RRM2: variants seen among roughly 807,000 people sequenced by gnomAD.
RRM2 encodes ribonucleoside-diphosphate reductase subunit M2.
In RRM2, 6 loss-of-function variants were observed where a neutral mutation model predicts 45.9. That is an observed-to-expected ratio of 0.13 (90% CI 0.07 to 0.26). RRM2 has a LOEUF of 0.26. RRM2 is among the 10% of genes least tolerant of loss of function. The probability of loss-of-function intolerance (pLI) is 1.00; values close to 1 mark genes in which losing one functional copy is unlikely to be tolerated. For missense variants in RRM2, 343 were observed against 489.5 expected, an observed-to-expected ratio of 0.70 and a Z score of 2.82; for synonymous variants, 177 against 173.0, an observed-to-expected ratio of 1.02 and a Z score of -0.18.
At chr2:10,191,751 G>A (rs1437630844) in intron 3 of RRM2, among the ~76,000 whole-genome samples, 2 of 152,096 alleles carry the variant, frequency 1.3e-5, no homozygotes, top group African/African-American at 2.4e-5. Flanking sequence ...GGGCAGCCAC[G>A]GCCATGCGCA....
At chr2:10,167,678 A>G (rs1283756847) in intron 3 of RRM2, among the ~76,000 whole-genome samples, 3 of 152,146 alleles carry the variant, frequency 2.0e-5, no homozygotes, top group Non-Finnish European at 4.4e-5. Context: ...GAGAGGTGGG[A>G]TCAGGGCCGA....
At chr2:10,132,135 C>G (rs1008790240), downstream of RRM2, among the ~76,000 whole-genome samples, 2 of 152,218 alleles carry the variant, frequency 1.3e-5, no homozygotes, top group African/African-American at 4.8e-5. Context: ...ATTCATGACA[C>G]CCATCCCCAA....
At chr2:10,126,354 C>T (rs1662780638) in intron 5 of RRM2, among the ~76,000 whole-genome samples, 1 of 151,998 alleles carries the variant, frequency 6.6e-6, no homozygotes, top group Admixed American at 6.6e-5. Context: ...GATTTGCTTT[C>T]CTGACCTGGG....
At chr2:10,162,746 C>T (rs996654696) in intron 3 of RRM2, among the ~76,000 whole-genome samples, 2 of 151,418 alleles carry the variant, frequency 1.3e-5, no homozygotes, top group Admixed American at 6.6e-5. Flanking sequence ...TGTGTGGCCT[C>T]GGGCAGGGCG....
chr2:10,199,289 G>C (rs75705654), intron 3 of RRM2: 1 of 24,500 alleles, frequency 4.1e-5, no homozygotes, highest in Admixed American at 3.3e-4. Context: ...AAAAAAAAAA[G>C]GGGGGGGGGA....
At chr2:10,152,580 T>C (rs969014086) in intron 3 of RRM2, among the ~76,000 whole-genome samples, 6 of 151,762 alleles carry the variant, frequency 4.0e-5, no homozygotes, top group Admixed American at 6.6e-5. Context: ...CCTCCTGGGC[T>C]CAAGCAGTTC....
intron 3 of RRM2, among the ~76,000 whole-genome samples, chr2:10,187,181 T>C (rs140726504): frequency 7.9e-5 from 12 of 152,256 alleles, no homozygotes; most frequent in South Asian, 2.1e-4. Context: ...TCTCCCTTGT[T>C]CCCTGATGCT....
chr2:10,153,265 C>T (rs1663354292), intron 3 of RRM2, among the ~76,000 whole-genome samples: 1 of 152,054 alleles, frequency 6.6e-6, no homozygotes, highest in Non-Finnish European at 1.5e-5. Flanking sequence ...ATCTAGGAGG[C>T]GGAGGTTGCA....
chr2:10,197,051 C>G (rs886198726), intron 3 of RRM2, among the ~76,000 whole-genome samples: 1 of 152,226 alleles, frequency 6.6e-6, no homozygotes, highest in Non-Finnish European at 1.5e-5. Flanking sequence ...AGGCCCTACT[C>G]CAGGGCAGCT....
chr2:10,142,229 TAA>T (rs1360466038), intron 2 of RRM2: 2 of 1,526,246 alleles, frequency 1.3e-6, no homozygotes, highest in Non-Finnish European at 1.8e-6. Context: ...CAGACCCAGG[TAA>T]AGAGTCTGGA....
chr2:10,144,392 T>C (rs1346835044), intron 3 of RRM2, among the ~76,000 whole-genome samples: 1 of 152,262 alleles, frequency 6.6e-6, no homozygotes, highest in Non-Finnish European at 1.5e-5. Flanking sequence ...GGTGGGGAAG[T>C]GAGTTTTATA....
intron 3 of RRM2, among the ~76,000 whole-genome samples, chr2:10,170,124 C>T (rs1269624069): frequency 3.9e-5 from 6 of 152,176 alleles, no homozygotes; most frequent in Non-Finnish European, 8.8e-5. Flanking sequence ...CTTTAAGTCA[C>T]GCTCCGGACA....
chr2:10,183,638 T>G (rs1036405640), intron 3 of RRM2, among the ~76,000 whole-genome samples: 15 of 151,440 alleles, frequency 9.9e-5, no homozygotes, highest in African/African-American at 3.6e-4. Flanking sequence ...TCACTTGAGG[T>G]CAGGAGCTCG....
chr2:10,208,164 C>G (rs1053149975), intron 3 of RRM2, among the ~76,000 whole-genome samples: 1 of 152,052 alleles, frequency 6.6e-6, no homozygotes, highest in Non-Finnish European at 1.5e-5. Flanking sequence ...GGGCTTTTTG[C>G]AGTGATGCTT....
At chr2:10,175,740 G>A (rs1403448876) in intron 3 of RRM2, among the ~76,000 whole-genome samples, 1 of 151,506 alleles carries the variant, frequency 6.6e-6, no homozygotes, top group Non-Finnish European at 1.5e-5. Context: ...GGGATTACAG[G>A]CACACACCAC....
intron 3 of RRM2, among the ~76,000 whole-genome samples, chr2:10,184,084 C>T (rs571705633): frequency 2.3e-5 from 2 of 85,548 alleles, no homozygotes; most frequent in East Asian, 7.2e-4. Context: ...CAGAGCGAGA[C>T]TCCATCTAAA....
intron 3 of RRM2, among the ~76,000 whole-genome samples, chr2:10,175,056 G>A (rs954184112): frequency 6.6e-6 from 1 of 152,114 alleles, no homozygotes; most frequent in African/African-American, 2.4e-5. Flanking sequence ...AGGCATGTGG[G>A]CTTTTTTCTT....
intron 3 of RRM2, among the ~76,000 whole-genome samples, chr2:10,152,268 T>C (rs1663328882): frequency 6.6e-6 from 1 of 152,058 alleles, no homozygotes; most frequent in Non-Finnish European, 1.5e-5. Flanking sequence ...TTTAAAAATA[T>C]CGAGTTGTGT....
chr2:10,158,599 C>G (rs1411756249), intron 3 of RRM2, among the ~76,000 whole-genome samples: 1 of 152,144 alleles, frequency 6.6e-6, no homozygotes, highest in Non-Finnish European at 1.5e-5. Flanking sequence ...TGCTCTTCCT[C>G]CCCTCACCTT....
Sources: gnomAD v4.1 joint callset for allele counts (sites outside exome capture counted in the v4.1 genomes callset) on GRCh38, gnomAD v4.1.1 for gene constraint, MANE v1.5 for transcripts, NCBI Gene and HGNC (gene_info 2026-07-23, HGNC 2026-07-21) for gene names.